Variants in SORD observed in about 807,000 individuals in gnomAD.
The protein encoded by SORD is sorbitol dehydrogenase.
In SORD, 18 loss-of-function variants were observed where a neutral mutation model predicts 35.6. The ratio of observed to expected loss-of-function variants is 0.51; its 90% CI spans 0.35 to 0.75. The LOEUF is 0.75. Among genes scored for constraint, SORD ranks in the 30% least tolerant of loss-of-function variants. SORD has a pLI of 0.01. For synonymous variants in SORD, 106 were observed against 152.9 expected (o/e 0.69, Z 2.26); for missense variants, 250 against 390.2 (o/e 0.64, Z 3.03).
intron 7 of SORD, 142 bp downstream of exon 7, chr15:45,069,194 CTTTTTTTTTT>C (rs752540495): frequency 7.7e-5 from 9 of 116,992 alleles, no homozygotes; most frequent in South Asian, 3.5e-4. Context: ...TTTTCTTTTT[CTTTTTTTTTT>C]TTTTTTTTTT....
At chr15:45,065,024 A>C (rs1435522214) in intron 4 of SORD, among the ~76,000 whole-genome samples, 1 of 152,208 alleles carries the variant, frequency 6.6e-6, no homozygotes, top group Non-Finnish European at 1.5e-5. Flanking sequence ...GGTTGGGGCA[A>C]GTCATTTAAC....
intron 6 of SORD, 128 bp downstream of exon 6, chr15:45,068,374 G>C (rs1275476806): frequency 4.1e-6 from 3 of 731,936 alleles, no homozygotes; most frequent in Non-Finnish European, 4.9e-6. Context: ...ATGGATTGTG[G>C]AAATATAGAA....
chr15:45,071,648 C>G (rs1893515520), intron 7 of SORD, among the ~76,000 whole-genome samples: 2 of 151,590 alleles, frequency 1.3e-5, no homozygotes, highest in Admixed American at 1.3e-4. Flanking sequence ...AGCTCTGGAA[C>G]AAGCACAGCA....
chr15:45,034,933 C>G (rs1205360557), intron 1 of SORD, among the ~76,000 whole-genome samples: 1 of 152,218 alleles, frequency 6.6e-6, no homozygotes, highest in Non-Finnish European at 1.5e-5. Context: ...TCAGAGCAGC[C>G]GGCCGGCCCT....
At chr15:45,063,586 G>A (rs1893358374) in intron 4 of SORD, among the ~76,000 whole-genome samples, 2 of 152,174 alleles carry the variant, frequency 1.3e-5, no homozygotes, top group South Asian at 2.1e-4. Context: ...GGGTGCAGGC[G>A]GATGAGGCAG....
chr15:45,038,002 A>G (rs564801334), intron 1 of SORD, among the ~76,000 whole-genome samples: 188 of 152,064 alleles, frequency 1.2e-3, no homozygotes, highest in African/African-American at 4.4e-3. Flanking sequence ...CAGAAGGATC[A>G]CTTTACACAG....
intron 5 of SORD, among the ~76,000 whole-genome samples, chr15:45,066,211 C>T (rs576182182): frequency 2.1e-5 from 3 of 145,530 alleles, no homozygotes; most frequent in South Asian, 2.2e-4. Context: ...TGCCACTGCA[C>T]TCCAGCCTAG....
At chr15:45,065,864 G>A (rs976344380) in intron 5 of SORD, among the ~76,000 whole-genome samples, 13 of 152,060 alleles carry the variant, frequency 8.5e-5, no homozygotes, top group African/African-American at 2.7e-4. Flanking sequence ...AGGGTGCAGC[G>A]AGCCATGATT....
chr15:45,045,186 C>T (rs1339354674), intron 3 of SORD, among the ~76,000 whole-genome samples: 2 of 152,138 alleles, frequency 1.3e-5, no homozygotes, highest in Non-Finnish European at 2.9e-5. Flanking sequence ...CATCTTCATA[C>T]TTGAGAAAGG....
chr15:45,042,965 T>C (rs1892992807), intron 2 of SORD, among the ~76,000 whole-genome samples: 1 of 151,950 alleles, frequency 6.6e-6, no homozygotes, highest in Non-Finnish European at 1.5e-5. Flanking sequence ...TCTACTTTAC[T>C]CAAAGTCTAT....
At chr15:45,034,350 T>A (rs1444455577) in intron 1 of SORD, among the ~76,000 whole-genome samples, 10 of 152,204 alleles carry the variant, frequency 6.6e-5, no homozygotes, top group African/African-American at 2.4e-4. Context: ...GGAAAAGGCA[T>A]CTTCCTTCCA....
chr15:45,060,595 C>G (rs545666672), intron 3 of SORD, among the ~76,000 whole-genome samples: 13 of 152,154 alleles, frequency 8.5e-5, no homozygotes, highest in South Asian at 2.1e-4. Context: ...AATTATAGCT[C>G]TTGTCTTTGT....
Position 45,075,330 on chromosome 15 carries a change from C to A in SORD, c.*1800C>A, listed in dbSNP as rs192513189. ...AGTCTTGGTGGAAACATCTTCCTCACGCCCTGTGCCCCCTTTCAGGTGCCC... is the reference window on the plus strand; with the variant it reads ...AGTCTTGGTGGAAACATCTTCCTCAAGCCCTGTGCCCCCTTTCAGGTGCCC... On this transcript the variant is annotated 3_prime_UTR_variant, in exon 9 of 9. Coordinates refer to ENST00000267814, the MANE Select transcript of SORD (RefSeq NM_003104.6). 1.6e-4 allele frequency: 22 copies of A among 134,738 alleles called. 2 individuals carry two copies. In the East Asian group the frequency reaches 4.1e-3, roughly 25 times the overall value. The allele number at this position is 134,738 out of a possible 1,614,324, so 8.3% of individuals were successfully genotyped here.
Position 45,023,326 on chromosome 15 carries a change from C to G in SORD, c.43C>G (p.His15Asp). 1 of 1,590,366 alleles carries G rather than the reference C, an allele frequency of 6.3e-7. No individual in the cohort carries two copies. The highest frequency in any genetic ancestry group is 8.5e-7 in the Non-Finnish European group (1 of 1,169,686). The change falls in exon 1 of 9, where the codon CAC becomes GAC. Residue 15 changes from histidine (H) to aspartate (D), a missense_variant. His to Asp is a moderately conservative substitution (Grantham distance 81, BLOSUM62 -1). Coordinates refer to ENST00000267814, the MANE Select transcript of SORD (RefSeq NM_003104.6). The stretch of plus-strand genomic sequence containing the variant: ...GCCCAACAACCTTTCCCTGGTGGTG[C>G]ACGGACCGGGGGACTTGCGCCTGGT... The part of the protein sequence containing the change: ...AKPNNLSLVV[H>D]GPGDLRLENY...
chr15:45,027,380 C>T (rs764232864), intron 1 of SORD, among the ~76,000 whole-genome samples: 1 of 152,266 alleles, frequency 6.6e-6, no homozygotes, highest in Admixed American at 6.5e-5. Context: ...TCCACTTCAA[C>T]TTCCCCGTGA....
chr15:45,042,548 C>A (rs2141270425), intron 2 of SORD: 1 of 151,612 alleles, frequency 6.6e-6, no homozygotes, highest in South Asian at 2.1e-4. Flanking sequence ...AAACAATAGG[C>A]ATGAAGAACT....
intron 3 of SORD, among the ~76,000 whole-genome samples, chr15:45,047,727 T>TG (rs901759426): frequency 2.0e-5 from 3 of 152,348 alleles, no homozygotes; most frequent in Non-Finnish European, 2.9e-5. Flanking sequence ...GGTCCTTTCC[T>TG]GGCTCCTGCC....
At chr15:45,059,171 G>A (rs35425409) in intron 3 of SORD, among the ~76,000 whole-genome samples, 9,407 of 151,934 alleles carry the variant, frequency 0.062, 361 homozygotes, top group South Asian at 0.1. Context: ...GAATTTCACC[G>A]AGGACCTGCC....
At chr15:45,058,602 G>C (rs958137767) in intron 3 of SORD, 1 of 152,194 alleles carries the variant, frequency 6.6e-6, no homozygotes, top group Non-Finnish European at 1.5e-5. Flanking sequence ...GGTCAGTGTA[G>C]CAGTCTCTTT....
Sources: gnomAD v4.1 joint callset for allele counts (sites outside exome capture counted in the v4.1 genomes callset) on GRCh38, gnomAD v4.1.1 for gene constraint, MANE v1.5 for transcripts, NCBI Gene and HGNC (gene_info 2026-07-23, HGNC 2026-07-21) for gene names.